Variants in FGF10 observed in about 807,000 individuals in gnomAD.
The protein encoded by FGF10 is FGF-10.
FGF10 carries 2 observed loss-of-function variants against 19.8 expected under a neutral mutation model. The observed-to-expected ratio is 0.10, with a 90% CI of 0.04 to 0.32. The LOEUF (loss-of-function observed/expected upper bound fraction) is 0.32, where lower values mean the gene tolerates loss of function less well. Among genes scored for constraint, FGF10 ranks in the 10% least tolerant of loss-of-function variants. The pLI is 1.00. For synonymous variants in FGF10, 112 were observed against 94.0 expected (o/e 1.19, Z -1.10); for missense variants, 191 against 246.3 (o/e 0.78, Z 1.50).
intron 1 of FGF10, among the ~76,000 whole-genome samples, chr5:44,352,354 A>C (rs1741253751): frequency 6.6e-6 from 1 of 151,670 alleles, no homozygotes; most frequent in Middle Eastern, 3.4e-3. Flanking sequence ...ATACCTCTAA[A>C]AGGGGACACC....
At chr5:44,348,203 A>C (rs1370102750) in intron 1 of FGF10, among the ~76,000 whole-genome samples, 1 of 151,720 alleles carries the variant, frequency 6.6e-6, no homozygotes, top group Non-Finnish European at 1.5e-5. Context: ...TGTTCTGAAA[A>C]GTTGTGCATA....
intron 1 of FGF10, among the ~76,000 whole-genome samples, chr5:44,341,410 G>C (rs1740967789): frequency 6.6e-6 from 1 of 151,732 alleles, no homozygotes; most frequent in Non-Finnish European, 1.5e-5. Flanking sequence ...CAATGAAGAA[G>C]AAATATGATA....
intron 1 of FGF10, among the ~76,000 whole-genome samples, chr5:44,370,993 T>C (rs1741730085): frequency 6.6e-6 from 1 of 152,154 alleles, no homozygotes; most frequent in African/African-American, 2.4e-5. Flanking sequence ...TGAAAAATCC[T>C]TCAGAATGTA....
rs17227515 is a variant in FGF10, at chr5:44,389,237, A to T, written c.-555T>A. On this transcript the variant is annotated 5_prime_UTR_variant, in exon 1 of 3. Transcript: ENST00000264664. ...TTGTCAGAAGTGGAGGCAGCTGCCC[A>T]GTCGCCGTTGTTTTCTTCCCTCTCT... is the stretch of plus-strand genomic sequence containing the variant. The T allele has an allele frequency of 6.5e-4, 104 of 159,822 alleles. 1 individual carries two copies. Among genetic ancestry groups the T allele is most frequent in the Middle Eastern group, 6.6e-3 (2 of 304 alleles). 9.9% of individuals were successfully genotyped at this position (159,822 alleles called of 1,614,324 possible).
intron 1 of FGF10, among the ~76,000 whole-genome samples, chr5:44,320,717 T>C (rs1740466386): frequency 6.6e-6 from 1 of 152,118 alleles, no homozygotes; most frequent in Non-Finnish European, 1.5e-5. Flanking sequence ...GTTTTCTTTT[T>C]TTTTCTTTTT....
In FGF10 at chr5:44,357,118, T is replaced by TAA. The variant is rs11307970; in HGVS notation, c.325+31238_325+31239dup. Among the ~76,000 whole-genome samples the TAA allele has an allele frequency of 7.9e-4, 119 of 150,006 alleles. 2 individuals are homozygous for TAA. Among genetic ancestry groups the TAA allele is most frequent in the African/African-American group, 2.7e-3 (112 of 41,018 alleles). On this transcript the variant is annotated intron_variant, in intron 1 of 2. Transcript: ENST00000264664. Reference sequence around the variant, plus strand: ...TACCTCCAATTTCCTAAGATTTTCATAAAAAAAAAACAACATTCTAATGTA... The same window carrying TAA: ...TACCTCCAATTTCCTAAGATTTTCATAAAAAAAAAAAACAACATTCTAATGTA...
intron 1 of FGF10, among the ~76,000 whole-genome samples, chr5:44,356,153 A>C (rs1336333239): frequency 2.6e-5 from 4 of 151,502 alleles, no homozygotes; most frequent in African/African-American, 4.8e-5. Context: ...TCAATTAAAT[A>C]GATGACCATT....
intron 1 of FGF10, among the ~76,000 whole-genome samples, chr5:44,340,053 A>C (rs746488756): frequency 4.6e-5 from 7 of 152,146 alleles, no homozygotes; most frequent in Non-Finnish European, 5.9e-5. Flanking sequence ...CCCAGTGACC[A>C]CTTGCCACTA....
chr5:44,364,955 C>A (rs925393179), intron 1 of FGF10, among the ~76,000 whole-genome samples: 1 of 151,558 alleles, frequency 6.6e-6, no homozygotes, highest in Non-Finnish European at 1.5e-5. Context: ...GCAAAATGAG[C>A]TAAAATGAGA....
chr5:44,381,142 G>T (rs1233062689), intron 1 of FGF10, among the ~76,000 whole-genome samples: 2 of 152,128 alleles, frequency 1.3e-5, no homozygotes, highest in African/African-American at 4.8e-5. Context: ...CTAGTAATGG[G>T]ATAATCAGCA....
chr5:44,314,072 G>C (rs907347125), intron 1 of FGF10, among the ~76,000 whole-genome samples: 5 of 152,084 alleles, frequency 3.3e-5, no homozygotes, highest in Non-Finnish European at 1.5e-5. Flanking sequence ...ATTATTGTTG[G>C]AGATGAGACC....
chr5:44,381,383 T>C (rs1741978849), intron 1 of FGF10, among the ~76,000 whole-genome samples: 1 of 152,166 alleles, frequency 6.6e-6, no homozygotes, highest in African/African-American at 2.4e-5. Flanking sequence ...TGGCCCTGAA[T>C]GTCACCTTGG....
At chr5:44,337,813 C>T (rs554410703) in intron 1 of FGF10, among the ~76,000 whole-genome samples, 7 of 152,202 alleles carry the variant, frequency 4.6e-5, no homozygotes, top group South Asian at 2.1e-4. Context: ...TAGTGGCATG[C>T]GCCTGTAGTC....
At chr5:44,359,709 A>T (rs1292333489) in intron 1 of FGF10, among the ~76,000 whole-genome samples, 1 of 151,412 alleles carries the variant, frequency 6.6e-6, no homozygotes, top group Non-Finnish European at 1.5e-5. Context: ...TTTTTGAAAA[A>T]TTCATATAAA....
At chr5:44,362,867 C>G (rs1467238250) in intron 1 of FGF10, among the ~76,000 whole-genome samples, 1 of 151,638 alleles carries the variant, frequency 6.6e-6, no homozygotes. Context: ...CTTTTTGTGC[C>G]TCCACTGCCC....
chr5:44,345,539 T>C (rs1185630223), intron 1 of FGF10, among the ~76,000 whole-genome samples: 2 of 151,582 alleles, frequency 1.3e-5, no homozygotes, highest in African/African-American at 4.8e-5. Context: ...CCTCAAGCTT[T>C]CCTCAAAATT....
intron 1 of FGF10, among the ~76,000 whole-genome samples, chr5:44,372,557 C>A (rs548559578): frequency 3.3e-5 from 5 of 152,094 alleles, no homozygotes; most frequent in Non-Finnish European, 5.9e-5. Context: ...AAATTAAAGC[C>A]CAAAATCTCA....
At chr5:44,376,320 A>T (rs1741853896) in intron 1 of FGF10, among the ~76,000 whole-genome samples, 1 of 151,884 alleles carries the variant, frequency 6.6e-6, no homozygotes, top group Non-Finnish European at 1.5e-5. Context: ...AAGAGCTCAT[A>T]GTGTCAGTAG....
chr5:44,382,633 T>C (rs1248104082), intron 1 of FGF10, among the ~76,000 whole-genome samples: 4 of 152,148 alleles, frequency 2.6e-5, no homozygotes, highest in African/African-American at 9.6e-5. Context: ...ATAAACACCC[T>C]TGGTCAAATG....
Sources: allele counts gnomAD v4.1 joint callset (sites outside exome capture counted in the v4.1 genomes callset), GRCh38; gene constraint gnomAD v4.1.1; transcripts MANE v1.5; gene names NCBI Gene and HGNC (gene_info 2026-07-23, HGNC 2026-07-21).